Variants in TPX2 observed in about 807,000 individuals in gnomAD.
The protein encoded by TPX2 is targeting protein for Xklp2.
TPX2 carries 21 observed loss-of-function variants against 93.6 expected under a neutral mutation model. That is an observed-to-expected ratio of 0.22 (90% CI 0.16 to 0.32). The LOEUF is 0.32. TPX2 is among the 10% of genes least tolerant of loss of function. The pLI is 1.00. For synonymous variants in TPX2, 281 were observed against 298.3 expected, an observed-to-expected ratio of 0.94 and a Z score of 0.60; for missense variants, 776 against 871.1, an observed-to-expected ratio of 0.89 and a Z score of 1.37.
intron 8 of TPX2, 123 bp downstream of exon 8, chr20:31,776,111 T>A: frequency 3.1e-6 from 3 of 982,844 alleles, no homozygotes; most frequent in Non-Finnish European, 3.8e-6. Flanking sequence ...TCTCGCTCTG[T>A]CGCCCAGGCC....
chr20:31,764,182 A>G (rs758164416), intron 4 of TPX2, among the ~76,000 whole-genome samples: 5 of 151,422 alleles, frequency 3.3e-5, no homozygotes. Flanking sequence ...ATATGTATAT[A>G]TTTTTGAGAC....
chr20:31,785,745 G>A (rs181420600), intron 12 of TPX2, among the ~76,000 whole-genome samples: 3 of 152,006 alleles, frequency 2.0e-5, no homozygotes, highest in Non-Finnish European at 4.4e-5. Context: ...TGATCCACCC[G>A]CCTTGGCCTC....
chr20:31,787,165 G>A (rs1469853768), intron 12 of TPX2, among the ~76,000 whole-genome samples: 1 of 150,254 alleles, frequency 6.7e-6, no homozygotes, highest in Non-Finnish European at 1.5e-5. Context: ...AAGAGGTGGA[G>A]TCTATACTTA....
At position 31,775,942 on chromosome 20, in the gene TPX2, G is replaced by T; in HGVS notation, c.684G>T (p.Met228Ile). Residue 228 changes from methionine to isoleucine, a missense_variant, in exon 8 of 18, where the codon ATG becomes ATT. Coordinates refer to ENST00000300403, the MANE Select transcript of TPX2 (RefSeq NM_012112.5). ...SMKMQQEVVE[M>I]RKKNEEFKKL... ...AAATGCAGCAAGAGGTGGTGGAGAT[G>T]CGGAAAAAGAATGAAGAATTCAAGA... The T allele has an allele frequency of 6.3e-7, 1 of 1,595,716 alleles. No individual in the cohort carries two copies. The highest frequency in any genetic ancestry group is 8.6e-7 in the Non-Finnish European group (1 of 1,169,224).
intron 17 of TPX2, 74 bp from the exon 18 acceptor site, chr20:31,800,896 A>G (rs2062167082): frequency 1.6e-6 from 2 of 1,277,516 alleles, no homozygotes; most frequent in Non-Finnish European, 2.3e-6. Context: ...TTTCTCAAAA[A>G]GAAAAAAATA....
chr20:31,798,651 G>A, intron 17 of TPX2, 99 bp downstream of exon 17: 1 of 1,386,774 alleles, frequency 7.2e-7, no homozygotes, highest in Non-Finnish European at 9.6e-7. Flanking sequence ...TAGCCCGCAA[G>A]GCTGTACCAA....
intron 10 of TPX2, among the ~76,000 whole-genome samples, chr20:31,779,589 A>G (rs774866480): frequency 1.3e-5 from 2 of 152,252 alleles, no homozygotes; most frequent in Non-Finnish European, 2.9e-5. Flanking sequence ...ACAGGTCACT[A>G]CAAATTATGG....
chr20:31,792,075 G>A (rs1276060870), intron 12 of TPX2, among the ~76,000 whole-genome samples: 1 of 152,190 alleles, frequency 6.6e-6, no homozygotes, highest in East Asian at 1.9e-4. Flanking sequence ...AATCTTCAGG[G>A]TAGTTGAATG....
rs10528470 is a variant in TPX2 at position 31,776,050 on chromosome 20, G to GTTTTTTTTT, written c.730+95_730+103dup. On this transcript the variant is annotated intron_variant, in intron 8 of 17. Coordinates refer to ENST00000300403, the MANE Select transcript of TPX2 (RefSeq NM_012112.5). ...GTGGTTCTTAACACTCTTGGTAGGT[G>GTTTTTTTTT]TTTTTTTTTTTTTTTTTTTTTTTTT... 117 of 331,400 alleles carry GTTTTTTTTT rather than the reference G, an allele frequency of 3.5e-4. 17 individuals are homozygous for GTTTTTTTTT. The highest frequency in any genetic ancestry group is 1.6e-3 in the East Asian group (5 of 3,208). The allele number at this position is 331,400 out of a possible 1,614,324, so 20.5% of individuals were successfully genotyped here.
At chr20:31,790,235 T>TCTAG (rs1435829464) in intron 12 of TPX2, among the ~76,000 whole-genome samples, 2 of 152,228 alleles carry the variant, frequency 1.3e-5, no homozygotes, top group Non-Finnish European at 2.9e-5. Flanking sequence ...TGCTAATGAT[T>TCTAG]CTAGCATTCT....
In TPX2 at chr20:31,777,558, A is replaced by G; in HGVS notation, c.802A>G (p.Ile268Val). The change falls in exon 9 of 18, where the codon ATC (isoleucine) becomes GTC (valine). Residue 268 changes from isoleucine (I) to valine (V), a missense_variant. Transcript: ENST00000300403. Reference sequence around the variant, plus strand: ...CTTCCACTTCCGCACAGATGAGCGAATCAAACAACATCCTAAGAACCAGGA... The same window carrying G: ...CTTCCACTTCCGCACAGATGAGCGAGTCAAACAACATCCTAAGAACCAGGA... The part of the protein sequence containing the change: ...VDFHFRTDER[I>V]KQHPKNQEEY... 6.2e-7 allele frequency: 1 copy of G among 1,614,214 alleles called. No individual in the cohort carries two copies. The highest frequency in any genetic ancestry group is 8.5e-7 in the Non-Finnish European group (1 of 1,180,030).
intron 9 of TPX2, among the ~76,000 whole-genome samples, chr20:31,778,455 A>G (rs776329146): frequency 6.7e-6 from 1 of 148,594 alleles, no homozygotes; most frequent in African/African-American, 2.5e-5. Context: ...GGCCCAATCA[A>G]TTTTTTTTTT....
At chr20:31,776,963 G>A (rs1316795969) in intron 8 of TPX2, among the ~76,000 whole-genome samples, 1 of 152,196 alleles carries the variant, frequency 6.6e-6, no homozygotes, top group Non-Finnish European at 1.5e-5. Context: ...AAAGAAAACA[G>A]TCAAATCCAA....
chr20:31,745,075 G>A (rs1471988939), intron 2 of TPX2, among the ~76,000 whole-genome samples: 3 of 152,104 alleles, frequency 2.0e-5, no homozygotes, highest in African/African-American at 4.8e-5. Context: ...AGGCAACAGC[G>A]AGACTCCATC....
Position 31,797,482 on chromosome 20 carries a change from T to C in TPX2, c.1912T>C (p.Phe638Leu). The C allele has an allele frequency of 6.2e-7, 1 of 1,614,044 alleles. No individual in the cohort carries two copies. Among genetic ancestry groups the C allele is most frequent in the Middle Eastern group, 1.6e-4 (1 of 6,062 alleles). Residue 638 changes from phenylalanine (F) to leucine (L), a missense_variant, in exon 16 of 18, where the codon TTT becomes CTT. Physicochemically the swap from Phe to Leu is conservative, Grantham distance 22 (BLOSUM62 0). Coordinates refer to ENST00000300403, the MANE Select transcript of TPX2 (RefSeq NM_012112.5). ...AAACACCGTCATCTCTCAGGAGCCC[T>C]TTGTTCCCAAGAAAGAGAAGAAATC... ...RPNTVISQEP[F>L]VPKKEKKSVA...
At chr20:31,747,528 G>A (rs531010808) in intron 2 of TPX2, among the ~76,000 whole-genome samples, 2 of 152,298 alleles carry the variant, frequency 1.3e-5, no homozygotes, top group East Asian at 1.9e-4. Flanking sequence ...TATAAGACAC[G>A]ATGGATGGCA....
intron 2 of TPX2, among the ~76,000 whole-genome samples, chr20:31,753,699 T>A (rs1322438744): frequency 6.6e-6 from 1 of 152,132 alleles, no homozygotes; most frequent in Non-Finnish European, 1.5e-5. Flanking sequence ...GGGTCTAGAT[T>A]GATGTCACTG....
At chr20:31,775,593 CTT>C (rs2061991354) in intron 7 of TPX2, among the ~76,000 whole-genome samples, 4 of 152,034 alleles carry the variant, frequency 2.6e-5, no homozygotes. Context: ...CCAGGATGGT[CTT>C]GAACTCCTGA....
rs538601587 is a variant in TPX2, at chr20:31,742,174, CTTTTTTT to C, written c.-177-354_-177-348del. ...TAAAACAAAGTAGTAAAAGTTTGCT[CTTTTTTT>C]TTTTTTTTTTTTGAGACAGTCTCAC... On this transcript the variant is annotated intron_variant, in intron 1 of 17. Coordinates refer to ENST00000300403, the MANE Select transcript of TPX2 (RefSeq NM_012112.5). Among the ~76,000 whole-genome samples, 4 of 126,360 alleles carry C rather than the reference CTTTTTTT, an allele frequency of 3.2e-5. No homozygotes were observed. In the East Asian group the frequency reaches 8.7e-4, roughly 27 times the overall value. The allele number at this position is 126,360 out of a possible 152,430, so 82.9% of individuals were successfully genotyped here. A position where few individuals can be genotyped will look rare whatever the true frequency, so the allele number is the denominator to read the frequency against.
Sources: gnomAD v4.1 joint callset for allele counts (sites outside exome capture counted in the v4.1 genomes callset) on GRCh38, gnomAD v4.1.1 for gene constraint, MANE v1.5 for transcripts, NCBI Gene and HGNC (gene_info 2026-07-23, HGNC 2026-07-21) for gene names.